The following SRBD1 variants were observed in gnomAD, a reference collection of about 807,000 sequenced individuals.
The protein encoded by SRBD1 is S1 RNA binding domain 1.
A neutral mutation model predicts 115.3 loss-of-function variants in SRBD1; 88 were observed. The ratio of observed to expected loss-of-function variants is 0.76; its 90% confidence interval spans 0.64 to 0.91. The LOEUF is 0.91. Ranked by LOEUF, SRBD1 falls within the 40% of genes least tolerant of loss-of-function variation. The pLI, the probability that SRBD1 is intolerant of heterozygous loss-of-function variation, is 0.00. For synonymous variants in SRBD1, 509 were observed against 407.7 expected, an observed-to-expected ratio of 1.25 and a Z score of -2.99; for missense variants, 1,385 against 1,177.4, an observed-to-expected ratio of 1.18 and a Z score of -2.58.
At chr2:45,418,826 A>G (rs576137294) in intron 17 of SRBD1, among the ~76,000 whole-genome samples, 32 of 152,324 alleles carry the variant, frequency 2.1e-4, no homozygotes, top group African/African-American at 7.5e-4. Context: ...AATGTTCCTT[A>G]GTTTTTCTAT....
chr2:45,599,356 C>A, intron 4 of SRBD1, 93 bp downstream of exon 4: 1 of 1,489,024 alleles, frequency 6.7e-7, no homozygotes, highest in South Asian at 1.4e-5. Flanking sequence ...GAATTGAAAA[C>A]CCCCAGCCCT....
At chr2:45,555,324 G>A (rs1672439202) in intron 10 of SRBD1, among the ~76,000 whole-genome samples, 1 of 152,142 alleles carries the variant, frequency 6.6e-6, no homozygotes. Context: ...GGTTGAAGCT[G>A]TAGTAAGCCA....
intron 16 of SRBD1, among the ~76,000 whole-genome samples, chr2:45,442,096 A>C (rs1668686529): frequency 6.6e-6 from 1 of 152,200 alleles, no homozygotes; most frequent in Non-Finnish European, 1.5e-5. Flanking sequence ...CTTGTCATAC[A>C]ATAAAAAGAT....
intron 14 of SRBD1, among the ~76,000 whole-genome samples, chr2:45,538,523 T>G (rs900614588): frequency 2.6e-5 from 4 of 152,212 alleles, no homozygotes; most frequent in African/African-American, 9.6e-5. Flanking sequence ...TATCTCAAGT[T>G]TGGATCTCTG....
chr2:45,431,964 C>T (rs1475911853), intron 16 of SRBD1, among the ~76,000 whole-genome samples: 2 of 151,924 alleles, frequency 1.3e-5, no homozygotes, highest in Non-Finnish European at 2.9e-5. Flanking sequence ...TTACATTCTT[C>T]CCCAATTTTT....
chr2:45,561,054 C>G lies in SRBD1; in HGVS notation c.1409+1599G>C, dbSNP rs1672647726. Among the ~76,000 whole-genome samples, 2 of 152,150 alleles carry G rather than the reference C, an allele frequency of 1.3e-5. 1 individual carries two copies. The highest frequency in any genetic ancestry group is 4.2e-4 in the South Asian group (2 of 4,812). On this transcript the variant is annotated intron_variant, in intron 10 of 20. Coordinates refer to ENST00000263736, the MANE Select transcript of SRBD1 (RefSeq NM_018079.5). The stretch of plus-strand genomic sequence containing the variant: ...TCTGGGAGATTGAGGCTGTAGTGAG[C>G]TATGATAGCACCTGTGTGCTCCAGC...
chr2:45,568,778 A>G (rs1278301659), intron 9 of SRBD1, among the ~76,000 whole-genome samples: 4 of 152,256 alleles, frequency 2.6e-5, no homozygotes, highest in African/African-American at 9.6e-5. Context: ...TAAAAGGTGG[A>G]CAAAATAAGA....
intron 16 of SRBD1, among the ~76,000 whole-genome samples, chr2:45,450,142 A>G (rs1668949950): frequency 6.6e-6 from 1 of 152,198 alleles, no homozygotes; most frequent in Non-Finnish European, 1.5e-5. Context: ...ATCTCGTGAG[A>G]GTGTTATATG....
chr2:45,514,139 T>C (rs1056298814), intron 14 of SRBD1, among the ~76,000 whole-genome samples: 3 of 152,174 alleles, frequency 2.0e-5, no homozygotes, highest in African/African-American at 7.2e-5. Flanking sequence ...CCATGGGATA[T>C]GATTACGAAA....
At chr2:45,596,469 T>G (rs1257765346) in intron 4 of SRBD1, among the ~76,000 whole-genome samples, 1 of 152,210 alleles carries the variant, frequency 6.6e-6, no homozygotes, top group African/African-American at 2.4e-5. Flanking sequence ...TTATACCTAT[T>G]AGAGAAATGA....
At chr2:45,527,498 C>G (rs983429668) in intron 14 of SRBD1, among the ~76,000 whole-genome samples, 1 of 151,408 alleles carries the variant, frequency 6.6e-6, no homozygotes, top group African/African-American at 2.4e-5. Flanking sequence ...TTTTGATAGG[C>G]AGAGGATGAG....
At chr2:45,433,231 G>T (rs1228464948) in intron 16 of SRBD1, among the ~76,000 whole-genome samples, 1 of 152,162 alleles carries the variant, frequency 6.6e-6, no homozygotes, top group Non-Finnish European at 1.5e-5. Flanking sequence ...TAGGGTAAAT[G>T]AGGATATACT....
At chr2:45,525,439 G>A (rs1276231801) in intron 14 of SRBD1, among the ~76,000 whole-genome samples, 1 of 151,890 alleles carries the variant, frequency 6.6e-6, no homozygotes, top group Admixed American at 6.6e-5. Flanking sequence ...TTACAACTCA[G>A]TAATGAAAAG....
chr2:45,585,775 C>G lies in SRBD1; in HGVS notation c.649-1G>C, dbSNP rs1284178898. 16 of 1,584,422 alleles carry G rather than the reference C, an allele frequency of 1.0e-5. No individual in the cohort carries two copies. The highest frequency in any genetic ancestry group is 1.4e-5 in the Non-Finnish European group (16 of 1,171,734). ...CAATATTAGTTCTCTCAGATAAAAC[C>G]TGCAAATTAAAGATACTTAGTGATT... On this transcript the variant is annotated splice_acceptor_variant, in intron 4 of 20. Coordinates refer to ENST00000263736, the MANE Select transcript of SRBD1 (RefSeq NM_018079.5). LOFTEE classifies it high-confidence loss of function.
Position 45,546,831 on chromosome 2 carries a change from G to C in SRBD1, c.1775C>G (p.Thr592Arg), listed in dbSNP as rs1226395949. 1 of 1,614,012 alleles carries C rather than the reference G, an allele frequency of 6.2e-7. No homozygotes were observed. The highest frequency in any genetic ancestry group is 8.5e-7 in the Non-Finnish European group (1 of 1,179,938). ...KTLLLNFNCS[T>R]VVIGNGTACR... The stretch of plus-strand genomic sequence containing the variant: ...GGCAGTTCCATTTCCAATCACTACT[G>C]TGCTGCAGCTTCAAGGCAGAAACAG... Residue 592 changes from threonine to arginine, a missense_variant, in exon 14 of 21, where the codon ACA (threonine) becomes AGA (arginine). Transcript: ENST00000263736.
intron 16 of SRBD1, among the ~76,000 whole-genome samples, chr2:45,432,285 T>A (rs1668365152): frequency 6.6e-6 from 1 of 152,110 alleles, no homozygotes; most frequent in Admixed American, 6.6e-5. Context: ...CACCTCAGCC[T>A]CCCAAAGTGC....
At chr2:45,407,864 A>G (rs1466565099) in intron 19 of SRBD1, among the ~76,000 whole-genome samples, 4 of 152,002 alleles carry the variant, frequency 2.6e-5, no homozygotes, top group African/African-American at 9.7e-5. Flanking sequence ...ATACATAAAT[A>G]AGGCCTTTAA....
chr2:45,606,308 C>T (rs909154411), intron 1 of SRBD1, among the ~76,000 whole-genome samples: 2 of 151,980 alleles, frequency 1.3e-5, no homozygotes, highest in African/African-American at 4.8e-5. Context: ...TACAGGCATG[C>T]GCCAACACAC....
chr2:45,566,716 A>C (rs1478819405), intron 9 of SRBD1, among the ~76,000 whole-genome samples: 1 of 152,210 alleles, frequency 6.6e-6, no homozygotes, highest in Non-Finnish European at 1.5e-5. Flanking sequence ...TCTTTTCTTA[A>C]AGCACTCTTT....
Sources: allele counts gnomAD v4.1 joint callset (sites outside exome capture counted in the v4.1 genomes callset), GRCh38; gene constraint gnomAD v4.1.1; transcripts MANE v1.5; gene names NCBI Gene and HGNC (gene_info 2026-07-23, HGNC 2026-07-21).